The following KCNH7 variants were observed in gnomAD, a reference collection of about 807,000 sequenced individuals.
KCNH7 encodes the protein voltage-gated inwardly rectifying potassium channel KCNH7.
KCNH7 carries 49 observed loss-of-function variants against 120.8 expected under a neutral mutation model. The ratio of observed to expected loss-of-function variants is 0.41; its 90% CI spans 0.32 to 0.51. The LOEUF (loss-of-function observed/expected upper bound fraction) is 0.51, where lower values mean the gene tolerates loss of function less well. Ranked by LOEUF, KCNH7 falls within the 20% of genes least tolerant of loss-of-function variation. KCNH7 has a pLI of 0.38. For missense variants in KCNH7, 1,097 were observed against 1,446.6 expected (o/e 0.76, Z 3.92); for synonymous variants, 547 against 516.1 (o/e 1.06, Z -0.81).
intron 2 of KCNH7, among the ~76,000 whole-genome samples, chr2:162,565,251 C>T (rs1441536279): frequency 6.6e-6 from 1 of 151,874 alleles, no homozygotes; most frequent in Non-Finnish European, 1.5e-5. Flanking sequence ...ACTTGATTAA[C>T]ATAAAATATT....
At chr2:162,554,416 A>T (rs1270390156) in intron 2 of KCNH7, among the ~76,000 whole-genome samples, 2 of 151,584 alleles carry the variant, frequency 1.3e-5, no homozygotes, top group Non-Finnish European at 2.9e-5. Context: ...TTGTCCTTTT[A>T]TTATTATTAT....
intron 3 of KCNH7, among the ~76,000 whole-genome samples, chr2:162,518,637 G>T (rs184672849): frequency 2.0e-5 from 3 of 151,790 alleles, no homozygotes; most frequent in Non-Finnish European, 4.4e-5. Context: ...GTAAAGAATA[G>T]ACCTTGCATA....
intron 6 of KCNH7, among the ~76,000 whole-genome samples, chr2:162,471,873 C>T (rs1453287623): frequency 6.6e-6 from 1 of 152,192 alleles, no homozygotes; most frequent in Non-Finnish European, 1.5e-5. Context: ...CAGCATGGTA[C>T]TCTTACCAAA....
intron 2 of KCNH7, among the ~76,000 whole-genome samples, chr2:162,652,688 AACAGGCCACGG>A (rs1684607547): frequency 6.6e-6 from 1 of 152,146 alleles, no homozygotes; most frequent in Non-Finnish European, 1.5e-5. Flanking sequence ...TCCAGTTCCT[AACAGGCCACGG>A]ACTGTCACTT....
At position 162,640,134 on chromosome 2, in the gene KCNH7, C is replaced by T. The variant is rs75010338; in HGVS notation, c.308-103054G>A. The stretch of plus-strand genomic sequence containing the variant: ...TTTCAATTCTCCCCAAATTGCTATA[C>T]CGGTTTAACACAATTCTTATCAAGA... On this transcript the variant is annotated intron_variant, in intron 2 of 15. Transcript: ENST00000332142. 3.0e-3 allele frequency among the ~76,000 whole-genome samples: 463 copies of T among 152,182 alleles called. 2 individuals are homozygous for T. Among genetic ancestry groups the T allele is most frequent in the Non-Finnish European group, 5.7e-3 (386 of 67,990 alleles).
At chr2:162,623,723 G>A (rs1367211384) in intron 2 of KCNH7, among the ~76,000 whole-genome samples, 1 of 152,144 alleles carries the variant, frequency 6.6e-6, no homozygotes, top group Non-Finnish European at 1.5e-5. Flanking sequence ...TTACGTACCT[G>A]TGATGAATAT....
intron 3 of KCNH7, among the ~76,000 whole-genome samples, chr2:162,521,906 C>T (rs1019572912): frequency 6.6e-6 from 1 of 151,842 alleles, no homozygotes; most frequent in East Asian, 1.9e-4. Flanking sequence ...TCCCCCACCC[C>T]GTACCCTGCT....
At chr2:162,710,391 C>T (rs1686885337) in intron 2 of KCNH7, among the ~76,000 whole-genome samples, 1 of 152,078 alleles carries the variant, frequency 6.6e-6, no homozygotes, top group Non-Finnish European at 1.5e-5. Flanking sequence ...CATTGATCTG[C>T]TAATGACCCA....
intron 2 of KCNH7, among the ~76,000 whole-genome samples, chr2:162,695,212 T>G (rs1215960632): frequency 6.6e-6 from 1 of 152,136 alleles, no homozygotes; most frequent in Non-Finnish European, 1.5e-5. Context: ...AGGAAGCAAG[T>G]TGGAAACGTA....
At chr2:162,513,996 T>C (rs1352336392) in intron 4 of KCNH7, among the ~76,000 whole-genome samples, 8 of 151,800 alleles carry the variant, frequency 5.3e-5, no homozygotes, top group Admixed American at 5.3e-4. Context: ...TTACTAGCTA[T>C]GAAACACACT....
At chr2:162,516,078 G>C (rs1012154789) in intron 4 of KCNH7, among the ~76,000 whole-genome samples, 1 of 151,650 alleles carries the variant, frequency 6.6e-6, no homozygotes, top group Non-Finnish European at 1.5e-5. Context: ...ACATCACATG[G>C]TCTTCTCAAT....
chr2:162,442,849 G>A (rs928366671), intron 7 of KCNH7, among the ~76,000 whole-genome samples: 13 of 152,136 alleles, frequency 8.5e-5, no homozygotes, highest in African/African-American at 2.7e-4. Flanking sequence ...GAATGAGACC[G>A]TGTCTTAAAA....
chr2:162,537,882 A>G (rs1692164284), intron 2 of KCNH7, among the ~76,000 whole-genome samples: 1 of 152,072 alleles, frequency 6.6e-6, no homozygotes, highest in Non-Finnish European at 1.5e-5. Flanking sequence ...TTCAGAGCAT[A>G]CACTTGAAAA....
chr2:162,758,660 A>G (rs545252969), intron 2 of KCNH7, among the ~76,000 whole-genome samples: 38 of 152,254 alleles, frequency 2.5e-4, no homozygotes, highest in African/African-American at 6.7e-4. Context: ...AGAAACCAGC[A>G]TATAATCGAG....
chr2:162,708,448 G>C (rs1686795455), intron 2 of KCNH7, among the ~76,000 whole-genome samples: 1 of 151,986 alleles, frequency 6.6e-6, no homozygotes, highest in Non-Finnish European at 1.5e-5. Context: ...CAGGCCTAGA[G>C]GTATAAGTAG....
At chr2:162,556,904 C>T (rs1045369648) in intron 2 of KCNH7, among the ~76,000 whole-genome samples, 7 of 152,154 alleles carry the variant, frequency 4.6e-5, no homozygotes, top group Non-Finnish European at 1.0e-4. Flanking sequence ...TGGTCTCAGT[C>T]AAATTTTATT....
At chr2:162,420,586 G>C (rs1268318763) in intron 9 of KCNH7, among the ~76,000 whole-genome samples, 1 of 152,094 alleles carries the variant, frequency 6.6e-6, no homozygotes, top group Non-Finnish European at 1.5e-5. Flanking sequence ...GGGATTAAAG[G>C]ATATGGCCAC....
chr2:162,529,706 G>A (rs1691848881), intron 3 of KCNH7, among the ~76,000 whole-genome samples: 2 of 151,774 alleles, frequency 1.3e-5, no homozygotes, highest in Admixed American at 1.3e-4. Flanking sequence ...AAGTATTACA[G>A]CTGAAAAGAA....
intron 2 of KCNH7, among the ~76,000 whole-genome samples, chr2:162,602,820 G>A (rs1694601208): frequency 1.3e-5 from 2 of 151,774 alleles, no homozygotes; most frequent in Admixed American, 6.6e-5. Context: ...AATATCAAAA[G>A]CCATTCTAGA....
Sources: gnomAD v4.1 joint callset for allele counts (sites outside exome capture counted in the v4.1 genomes callset) on GRCh38, gnomAD v4.1.1 for gene constraint, MANE v1.5 for transcripts, NCBI Gene and HGNC (gene_info 2026-07-23, HGNC 2026-07-21) for gene names.